The following NCKAP5 variants were observed in gnomAD, a reference collection of about 807,000 sequenced individuals.
NCKAP5 encodes the protein NCK associated protein 5.
Under a neutral mutation model 167.0 loss-of-function variants are expected in NCKAP5, and 92 were observed. That is an observed-to-expected ratio of 0.55 (90% CI 0.47 to 0.66). The LOEUF is 0.66. Ranked by LOEUF, NCKAP5 falls within the 30% of genes least tolerant of loss-of-function variation. The pLI is 0.00. For missense variants in NCKAP5, 2,378 were observed against 2,315.0 expected, an observed-to-expected ratio of 1.03 and a Z score of -0.56; for synonymous variants, 891 against 877.4, an observed-to-expected ratio of 1.02 and a Z score of -0.27.
At position 132,686,077 on chromosome 2, in the gene NCKAP5, T is replaced by G. The variant is rs1400114025; in HGVS notation, c.5714-12772A>C. On this transcript the variant is annotated intron_variant, in intron 19 of 19. Coordinates refer to ENST00000409261, the MANE Select transcript of NCKAP5 (RefSeq NM_207363.3). Reference sequence around the variant, plus strand: ...AACCAAGTAGTACCCAATGGCTGGGTAGGGGCAAGGGTAAAAAAGCAATCT... The same window carrying G: ...AACCAAGTAGTACCCAATGGCTGGGGAGGGGCAAGGGTAAAAAAGCAATCT... Among the ~76,000 whole-genome samples, 3 of 152,118 alleles carry G rather than the reference T, an allele frequency of 2.0e-5. No homozygotes were observed. The East Asian group carries it at 5.8e-4, about 29-fold the overall frequency.
At chr2:133,436,631 C>T (rs1418892973) in intron 3 of NCKAP5, among the ~76,000 whole-genome samples, 1 of 152,170 alleles carries the variant, frequency 6.6e-6, no homozygotes, top group Non-Finnish European at 1.5e-5. Flanking sequence ...GTGACCTCTT[C>T]TTTGCTCAGA....
chr2:133,260,586 C>A (rs2088853120), intron 4 of NCKAP5, among the ~76,000 whole-genome samples: 1 of 152,128 alleles, frequency 6.6e-6, no homozygotes, highest in South Asian at 2.1e-4. Context: ...AAGTACCATG[C>A]CAGAATTTTG....
chr2:133,208,393 G>A (rs2086057341), intron 5 of NCKAP5, among the ~76,000 whole-genome samples: 1 of 152,080 alleles, frequency 6.6e-6, no homozygotes, highest in African/African-American at 2.4e-5. Flanking sequence ...GATATGGTGT[G>A]ATAAAAAATG....
chr2:133,151,294 G>T (rs1414114035), intron 5 of NCKAP5, among the ~76,000 whole-genome samples: 5 of 152,004 alleles, frequency 3.3e-5, no homozygotes, highest in Non-Finnish European at 7.4e-5. Flanking sequence ...TGATAAGTTG[G>T]ACTTCATTAA....
At chr2:133,453,510 C>A (rs1691670981) in intron 3 of NCKAP5, among the ~76,000 whole-genome samples, 1 of 152,012 alleles carries the variant, frequency 6.6e-6, no homozygotes, top group Non-Finnish European at 1.5e-5. Flanking sequence ...AAGATGTTCA[C>A]TGCATTTCTA....
intron 3 of NCKAP5, among the ~76,000 whole-genome samples, chr2:133,394,378 A>C (rs1687609817): frequency 2.0e-5 from 3 of 152,186 alleles, no homozygotes; most frequent in Admixed American, 2.0e-4. Flanking sequence ...AAGTGAAGGA[A>C]ATCTCTCAGA....
chr2:132,964,905 G>A (rs2076616352), intron 7 of NCKAP5, among the ~76,000 whole-genome samples: 1 of 151,860 alleles, frequency 6.6e-6, no homozygotes, highest in African/African-American at 2.4e-5. Context: ...AAAAACCACG[G>A]CGTTTTCAAA....
chr2:133,026,684 GAA>G (rs1327427735), intron 6 of NCKAP5, among the ~76,000 whole-genome samples: 1 of 152,138 alleles, frequency 6.6e-6, no homozygotes, highest in Non-Finnish European at 1.5e-5. Context: ...CTGTTTTTGA[GAA>G]AGTCTGTGCG....
chr2:133,323,081 A>G (rs1299608031), intron 3 of NCKAP5, among the ~76,000 whole-genome samples: 1 of 152,186 alleles, frequency 6.6e-6, no homozygotes, highest in Admixed American at 6.5e-5. Flanking sequence ...CCTTCCACCT[A>G]TTCATTCAAC....
At chr2:133,229,551 T>G (rs2150242034) in intron 4 of NCKAP5, among the ~76,000 whole-genome samples, 1 of 152,352 alleles carries the variant, frequency 6.6e-6, no homozygotes, top group African/African-American at 2.4e-5. Flanking sequence ...CCGAGTACTT[T>G]ACGTTAGTTA....
chr2:133,555,073 T>G (rs1378285418), intron 2 of NCKAP5, among the ~76,000 whole-genome samples: 1 of 152,208 alleles, frequency 6.6e-6, no homozygotes, highest in Non-Finnish European at 1.5e-5. Flanking sequence ...CTGTCAGAGC[T>G]GATCAAACAT....
intron 3 of NCKAP5, among the ~76,000 whole-genome samples, chr2:133,383,907 G>C (rs190676170): frequency 2.0e-3 from 298 of 152,136 alleles, no homozygotes; most frequent in African/African-American, 6.2e-3. Context: ...CTTTTTGATG[G>C]GGTTGTTTTT....
intron 3 of NCKAP5, among the ~76,000 whole-genome samples, chr2:133,495,961 G>A (rs1341077400): frequency 6.6e-6 from 1 of 152,132 alleles, no homozygotes; most frequent in African/African-American, 2.4e-5. Flanking sequence ...ATTCAAGCCA[G>A]GAGCATGCAC....
At chr2:133,438,867 C>T (rs1352134358) in intron 3 of NCKAP5, among the ~76,000 whole-genome samples, 1 of 152,140 alleles carries the variant, frequency 6.6e-6, no homozygotes, top group Admixed American at 6.6e-5. Flanking sequence ...TTTAAATCAA[C>T]CCCAAAATAT....
the NCKAP5 span, among the ~76,000 whole-genome samples, chr2:133,647,380 G>GAAGA: frequency 1.6e-4 from 14 of 85,600 alleles, no homozygotes; most frequent in African/African-American, 6.6e-4. Context: ...AGAAAGAAAG[G>GAAGA]AAGGAAGGAA....
chr2:133,655,622 G>A, the NCKAP5 span, among the ~76,000 whole-genome samples: 1 of 152,280 alleles, frequency 6.6e-6, no homozygotes, highest in East Asian at 1.9e-4. Context: ...TCTGATACCA[G>A]GGAGAAATCT....
chr2:132,878,950 C>A (rs1449230293), intron 8 of NCKAP5, 34 bp from the exon 9 acceptor site: 11 of 1,537,082 alleles, frequency 7.2e-6, no homozygotes, highest in Non-Finnish European at 9.9e-6. Context: ...ACAAATAAAT[C>A]AATGAAATGT....
At chr2:133,159,818 A>T (rs1228746149) in intron 5 of NCKAP5, among the ~76,000 whole-genome samples, 1 of 152,214 alleles carries the variant, frequency 6.6e-6, no homozygotes, top group Non-Finnish European at 1.5e-5. Context: ...GTGAAAGAAA[A>T]GCTTGACTGG....
intron 2 of NCKAP5, among the ~76,000 whole-genome samples, chr2:133,526,853 A>G (rs1052066313): frequency 6.6e-5 from 10 of 152,240 alleles, no homozygotes; most frequent in Non-Finnish European, 1.2e-4. Flanking sequence ...CATTTTATAA[A>G]TAAATAAATA....
Sources: allele counts gnomAD v4.1 joint callset (sites outside exome capture counted in the v4.1 genomes callset), GRCh38; gene constraint gnomAD v4.1.1; transcripts MANE v1.5; gene names NCBI Gene and HGNC (gene_info 2026-07-23, HGNC 2026-07-21).